The following ADGB variants were observed in gnomAD, a reference collection of about 807,000 sequenced individuals.
ADGB encodes calpain-7-like protein.
A neutral mutation model predicts 210.5 loss-of-function variants in ADGB; 172 were observed. The ratio of observed to expected loss-of-function variants is 0.82; its 90% CI spans 0.72 to 0.93. ADGB has a LOEUF of 0.93. ADGB is among the 40% of genes least tolerant of loss of function. ADGB has a pLI of 0.00. For synonymous variants in ADGB, 658 were observed against 662.7 expected, an observed-to-expected ratio of 0.99 and a Z score of 0.11; for missense variants, 2,025 against 1,964.8, an observed-to-expected ratio of 1.03 and a Z score of -0.58.
chr6:146,787,669 T>G (rs909291525), intron 32 of ADGB, among the ~76,000 whole-genome samples: 3 of 27,010 alleles, frequency 1.1e-4, no homozygotes, highest in African/African-American at 6.5e-4. Flanking sequence ...ATTGCCACCT[T>G]TCTTATTTCA....
intron 2 of ADGB, among the ~76,000 whole-genome samples, chr6:146,644,295 A>G (rs985935467): frequency 1.3e-5 from 2 of 151,962 alleles, no homozygotes; most frequent in South Asian, 2.1e-4. Flanking sequence ...ATTTTAAAAT[A>G]AATAAATGAA....
rs548336145 is a variant in ADGB, at chr6:146,809,146, G to A, written c.4819-5886G>A. On this transcript the variant is annotated intron_variant, in intron 35 of 35. Coordinates refer to ENST00000397944, the MANE Select transcript of ADGB (RefSeq NM_024694.4). ...GAGCCTAGGAGGGCTAGAAGCAAGA[G>A]GCCAGCAAGTCTAGACACATTCCAG... 7.0e-3 allele frequency among the ~76,000 whole-genome samples: 1,069 copies of A among 151,868 alleles called. 7 individuals are homozygous for A. Among genetic ancestry groups the A allele is most frequent in the East Asian group, 0.024 (124 of 5,148 alleles).
intron 7 of ADGB, among the ~76,000 whole-genome samples, chr6:146,671,427 G>C (rs943682899): frequency 1.3e-5 from 2 of 152,174 alleles, no homozygotes; most frequent in African/African-American, 4.8e-5. Flanking sequence ...ATTTTAAAGA[G>C]AGAGTCTTGG....
Position 146,782,014 on chromosome 6 carries a change from C to G in ADGB, c.3863-6C>G. 1.4e-6 allele frequency: 2 copies of G among 1,466,692 alleles called. No individual in the cohort carries two copies. The highest frequency in any genetic ancestry group is 1.8e-6 in the Non-Finnish European group (2 of 1,113,736). The allele number at this position is 1,466,692 out of a possible 1,614,324, so 90.9% of individuals were successfully genotyped here. ...CTCACCATTTTTTATTTTTATGTCT[C>G]TCTAGCTTATGGTGAAAGACACGAG... is the stretch of plus-strand genomic sequence containing the variant. On this transcript the variant is annotated splice_region_variant and splice_polypyrimidine_tract_variant and intron_variant, in intron 29 of 35. Coordinates refer to ENST00000397944, the MANE Select transcript of ADGB (RefSeq NM_024694.4).
chr6:146,635,252 G>C (rs1038452263), intron 1 of ADGB, 123 bp from the exon 2 acceptor site: 38 of 843,348 alleles, frequency 4.5e-5, no homozygotes, highest in Non-Finnish European at 6.0e-5. Context: ...AAGTATGATT[G>C]TATTAAAAAT....
At chr6:146,716,843 T>G in intron 14 of ADGB, 40 bp from the exon 15 acceptor site, 1 of 1,461,306 alleles carries the variant, frequency 6.8e-7, no homozygotes, top group Non-Finnish European at 9.1e-7. Context: ...TAACTTGTTA[T>G]TTAACAATAT....
chr6:146,758,811 G>A lies in ADGB; in HGVS notation c.3551-5090G>A, dbSNP rs139906785. ...AGGAAACTGACATTGTTACAATATC[G>A]AATTTGCATGCAAGGAAAGGCTATT... On this transcript the variant is annotated intron_variant, in intron 27 of 35. Coordinates refer to ENST00000397944, the MANE Select transcript of ADGB (RefSeq NM_024694.4). 7.0e-3 allele frequency among the ~76,000 whole-genome samples: 1,060 copies of A among 151,794 alleles called. 9 individuals are homozygous for A. Among genetic ancestry groups the A allele is most frequent in the African/African-American group, 0.024 (1,004 of 41,458 alleles).
intron 32 of ADGB, among the ~76,000 whole-genome samples, chr6:146,787,898 C>T (rs1351949718): frequency 6.6e-6 from 1 of 151,732 alleles, no homozygotes; most frequent in East Asian, 1.9e-4. Flanking sequence ...GGATCTGGAA[C>T]ACTGAATAGA....
At chr6:146,787,466 C>T (rs2114649886) in intron 32 of ADGB, among the ~76,000 whole-genome samples, 1 of 152,222 alleles carries the variant, frequency 6.6e-6, no homozygotes, top group Non-Finnish European at 1.5e-5. Flanking sequence ...TAGTAAGCTT[C>T]ATTTTATAAG....
chr6:146,690,869 A>G (rs189840100), intron 10 of ADGB, among the ~76,000 whole-genome samples: 2 of 152,298 alleles, frequency 1.3e-5, no homozygotes, highest in Admixed American at 6.5e-5. Flanking sequence ...TTAAGCTTTT[A>G]GAACTGAAAA....
chr6:146,683,042 T>G (rs1776178435), intron 9 of ADGB, among the ~76,000 whole-genome samples: 2 of 152,068 alleles, frequency 1.3e-5, no homozygotes, highest in Middle Eastern at 6.8e-3. Flanking sequence ...TGGGAGTGGT[T>G]AGGTATCCCA....
chr6:146,599,251 A>T, intron 1 of ADGB, 137 bp downstream of exon 1: 1 of 778,206 alleles, frequency 1.3e-6, no homozygotes, highest in Non-Finnish European at 2.2e-6. Flanking sequence ...CTTCTCTGGT[A>T]AACCAGATCC....
In ADGB at chr6:146,764,059, A is replaced by C. The variant is rs1032280907; in HGVS notation, c.3709A>C (p.Ser1237Arg). ...ACCCCTTGTGGAGGAGGAAACTACC[A>C]GTACACCCACTAGAGAAGACAGTTC... is the stretch of plus-strand genomic sequence containing the variant. ...GLPLVEEETT[S>R]TPTREDSSST... The change falls in exon 28 of 36, where the codon AGT (serine) becomes CGT (arginine). Residue 1237 changes from serine (S) to arginine (R), a missense_variant. Physicochemically the swap from Ser to Arg is moderately radical, Grantham distance 110. Transcript: ENST00000397944. The C allele has an allele frequency of 4.5e-6, 7 of 1,551,384 alleles. No homozygotes were observed. The South Asian group carries it at 7.1e-5, about 16-fold the overall frequency.
chr6:146,615,113 A>G (rs1321706738), intron 1 of ADGB, among the ~76,000 whole-genome samples: 5 of 150,976 alleles, frequency 3.3e-5, no homozygotes, highest in African/African-American at 1.2e-4. Context: ...TTCACGTGTT[A>G]GCCAGGATGG....
At chr6:146,726,347 C>T (rs531792926) in intron 19 of ADGB, 150 bp downstream of exon 19, 5 of 507,222 alleles carry the variant, frequency 9.9e-6, no homozygotes, top group South Asian at 5.8e-5. Context: ...CTCAGCCCCC[C>T]AAGTAGCTGG....
At chr6:146,654,042 A>T in intron 3 of ADGB, 93 bp from the exon 4 acceptor site, 1 of 806,372 alleles carries the variant, frequency 1.2e-6, no homozygotes, top group South Asian at 2.3e-5. Flanking sequence ...AAAAAATTGC[A>T]ACTTCAGGCA....
intron 28 of ADGB, among the ~76,000 whole-genome samples, chr6:146,768,640 G>A (rs1304441638): frequency 6.6e-6 from 1 of 152,076 alleles, no homozygotes; most frequent in East Asian, 1.9e-4. Flanking sequence ...AATAGATAAT[G>A]TAGGAGACTA....
At chr6:146,687,515 G>A (rs188068408) in intron 10 of ADGB, among the ~76,000 whole-genome samples, 3 of 152,182 alleles carry the variant, frequency 2.0e-5, no homozygotes, top group East Asian at 1.9e-4. Context: ...GAAGCCGCAA[G>A]CCATTATCCT....
intron 33 of ADGB, 100 bp downstream of exon 33, chr6:146,788,710 G>A: frequency 3.7e-6 from 4 of 1,094,368 alleles, no homozygotes; most frequent in Non-Finnish European, 5.3e-6. Context: ...GGCTATAGAA[G>A]TAGAAAAGAT....
Sources: allele counts gnomAD v4.1 joint callset (sites outside exome capture counted in the v4.1 genomes callset), GRCh38; gene constraint gnomAD v4.1.1; transcripts MANE v1.5; gene names NCBI Gene and HGNC (gene_info 2026-07-23, HGNC 2026-07-21).